Variants in UBE2U observed in about 807,000 individuals in gnomAD.
UBE2U encodes the protein ubiquitin conjugating enzyme E2 U.
A neutral mutation model predicts 41.2 loss-of-function variants in UBE2U; 39 were observed. That is an observed-to-expected ratio of 0.95 (90% CI 0.73 to 1.24). The LOEUF is 1.24. Among genes scored for constraint, UBE2U ranks in the 50% most tolerant of loss-of-function variants. UBE2U has a pLI of 0.00. For synonymous variants in UBE2U, 107 were observed against 117.8 expected (o/e 0.91, Z 0.60); for missense variants, 336 against 363.1 (o/e 0.93, Z 0.61).
intron 5 of UBE2U, among the ~76,000 whole-genome samples, chr1:64,216,356 T>C (rs1652013452): frequency 6.6e-6 from 1 of 152,208 alleles, no homozygotes; most frequent in African/African-American, 2.4e-5. Context: ...TAGGCTCCAC[T>C]TGGAACCTCA....
chr1:64,241,614 T>C, intron 7 of UBE2U, 38 bp from the exon 8 acceptor site: 1 of 1,412,506 alleles, frequency 7.1e-7, no homozygotes, highest in African/African-American at 1.4e-5. Context: ...TATTAAAGAA[T>C]GTATGTATAG....
chr1:64,205,579 C>A (rs780728543), intron 1 of UBE2U, 60 bp from the exon 2 acceptor site: 38 of 1,430,486 alleles, frequency 2.7e-5, no homozygotes, highest in Admixed American at 9.9e-5. Flanking sequence ...ATATGATTTT[C>A]AAAACTTCAA....
chr1:64,208,372 C>G (rs1049768064), intron 3 of UBE2U, among the ~76,000 whole-genome samples: 1 of 151,834 alleles, frequency 6.6e-6, no homozygotes, highest in Non-Finnish European at 1.5e-5. Context: ...TTTGGGTGGT[C>G]AGTGGGGAGT....
At chr1:64,223,750 A>G (rs2100341469) in intron 6 of UBE2U, among the ~76,000 whole-genome samples, 1 of 152,270 alleles carries the variant, frequency 6.6e-6, no homozygotes, top group East Asian at 1.9e-4. Context: ...GGAGACGAAC[A>G]TATAAAGACA....
chr1:64,206,100 T>C (rs933175344), intron 2 of UBE2U, among the ~76,000 whole-genome samples: 2 of 152,216 alleles, frequency 1.3e-5, no homozygotes, highest in African/African-American at 2.4e-5. Context: ...CTTCTCATTT[T>C]TTCCTTTATG....
chr1:64,220,012 G>A (rs1236462778), intron 5 of UBE2U, among the ~76,000 whole-genome samples: 1 of 151,948 alleles, frequency 6.6e-6, no homozygotes, highest in Non-Finnish European at 1.5e-5. Context: ...CTTTTTTTGT[G>A]GTTAGGATTG....
chr1:64,262,133 T>G (rs1213458457), intron 9 of UBE2U, among the ~76,000 whole-genome samples: 1 of 152,196 alleles, frequency 6.6e-6, no homozygotes, highest in East Asian at 1.9e-4. Context: ...ATACCCCTAC[T>G]CTAAATGCTC....
Position 64,260,615 on chromosome 1 carries a change from C to G in UBE2U, c.690C>G (p.Ile230Met), listed in dbSNP as rs1645165670. ...QKEWNLKYSV[I>M]KCWLARKRMP... Reference sequence around the variant, plus strand: ...TTTCTCTTTCTAGGTATTCCGTTATCAAGTGTTGGCTTGCTAGAAAAAGAA... The same window carrying G: ...TTTCTCTTTCTAGGTATTCCGTTATGAAGTGTTGGCTTGCTAGAAAAAGAA... The change falls in exon 9 of 10, where the codon ATC (isoleucine) becomes ATG (methionine). Residue 230 changes from isoleucine to methionine, a missense_variant. Ile to Met is a conservative substitution (Grantham distance 10). Coordinates refer to ENST00000371077, the MANE Select transcript of UBE2U (RefSeq NM_001366232.2). The G allele has an allele frequency of 1.3e-6, 2 of 1,548,662 alleles. No individual in the cohort carries two copies. The highest frequency in any genetic ancestry group is 8.7e-7 in the Non-Finnish European group (1 of 1,146,510).
intron 8 of UBE2U, among the ~76,000 whole-genome samples, chr1:64,245,664 T>A (rs1644908554): frequency 6.6e-6 from 1 of 152,164 alleles, no homozygotes; most frequent in South Asian, 2.1e-4. Context: ...CAGTCACACG[T>A]GTAAGTGTAA....
At chr1:64,249,238 C>T (rs529255565) in intron 8 of UBE2U, among the ~76,000 whole-genome samples, 7 of 151,842 alleles carry the variant, frequency 4.6e-5, no homozygotes, top group African/African-American at 1.7e-4. Context: ...ATTAGCCAGG[C>T]GCAGTGGTGG....
chr1:64,245,352 A>G (rs150539698), intron 8 of UBE2U, among the ~76,000 whole-genome samples: 1 of 152,286 alleles, frequency 6.6e-6, no homozygotes, highest in African/African-American at 2.4e-5. Context: ...TGTTCTTTCG[A>G]GTGTTCTTGG....
chr1:64,233,109 G>A (rs951397006), intron 7 of UBE2U, among the ~76,000 whole-genome samples: 7 of 151,974 alleles, frequency 4.6e-5, no homozygotes, highest in South Asian at 2.1e-4. Flanking sequence ...CCAGGTTCAC[G>A]CCATTCTCCT....
At chr1:64,247,553 G>A (rs115453988) in intron 8 of UBE2U, among the ~76,000 whole-genome samples, 56 of 152,170 alleles carry the variant, frequency 3.7e-4, no homozygotes, top group African/African-American at 1.2e-3. Context: ...ATTAGTTCCC[G>A]GGAGTGCTAG....
chr1:64,243,188 T>G (rs1274953897), intron 8 of UBE2U, among the ~76,000 whole-genome samples: 1 of 152,204 alleles, frequency 6.6e-6, no homozygotes, highest in African/African-American at 2.4e-5. Context: ...TGGTGGTTGA[T>G]GAGAATATAT....
At chr1:64,218,889 G>C (rs1163415453) in intron 5 of UBE2U, among the ~76,000 whole-genome samples, 2 of 152,134 alleles carry the variant, frequency 1.3e-5, no homozygotes, top group Non-Finnish European at 2.9e-5. Context: ...ACAGCTACTA[G>C]GTATTCAGTC....
intron 8 of UBE2U, among the ~76,000 whole-genome samples, chr1:64,245,237 G>T (rs572551212): frequency 1.3e-5 from 2 of 152,146 alleles, no homozygotes; most frequent in East Asian, 3.9e-4. Flanking sequence ...TCATGAAAGT[G>T]CTTTCTTTCC....
At chr1:64,239,059 A>AGAAGAAGAAGAAGAGGAAGAGGAAGAG (rs1644728101) in intron 7 of UBE2U, among the ~76,000 whole-genome samples, 1 of 93,320 alleles carries the variant, frequency 1.1e-5, no homozygotes, top group Non-Finnish European at 2.1e-5. Context: ...AAGAAGAAGA[A>AGAAGAAGAAGAAGAGGAAGAGGAAGAG]GAAGAAGAGG....
intron 5 of UBE2U, among the ~76,000 whole-genome samples, chr1:64,220,331 A>G (rs977930873): frequency 2.0e-5 from 3 of 152,160 alleles, no homozygotes; most frequent in African/African-American, 7.2e-5. Flanking sequence ...GGAGAGAATC[A>G]GGAATCTTGT....
At chr1:64,207,110 T>A (rs541854079) in intron 3 of UBE2U, among the ~76,000 whole-genome samples, 1 of 152,342 alleles carries the variant, frequency 6.6e-6, no homozygotes, top group African/African-American at 2.4e-5. Flanking sequence ...AGTTGAGGTA[T>A]TATGCATGAA....
Sources: gnomAD v4.1 joint callset for allele counts (sites outside exome capture counted in the v4.1 genomes callset) on GRCh38, gnomAD v4.1.1 for gene constraint, MANE v1.5 for transcripts, NCBI Gene and HGNC (gene_info 2026-07-23, HGNC 2026-07-21) for gene names.